PALLD: variants seen among roughly 807,000 people sequenced by gnomAD.
PALLD encodes palladin.
Under a neutral mutation model 123.5 loss-of-function variants are expected in PALLD, and 61 were observed. That is an observed-to-expected ratio of 0.49 (90% CI 0.40 to 0.61). The LOEUF is 0.61. Among genes scored for constraint, PALLD ranks in the 20% least tolerant of loss-of-function variants. The pLI is 0.00. For missense variants in PALLD, 1,273 were observed against 1,377.0 expected, an observed-to-expected ratio of 0.92 and a Z score of 1.20; for synonymous variants, 465 against 496.4, an observed-to-expected ratio of 0.94 and a Z score of 0.84.
chr4:168,925,167 T>C, intron 20 of PALLD, 66 bp from the exon 21 acceptor site: 5 of 1,582,682 alleles, frequency 3.2e-6, no homozygotes, highest in Non-Finnish European at 4.3e-6. Context: ...TTACTCTTTA[T>C]AAACAACTAT....
chr4:168,683,565 G>A (rs1419963188), intron 5 of PALLD, among the ~76,000 whole-genome samples: 1 of 151,924 alleles, frequency 6.6e-6, no homozygotes, highest in Non-Finnish European at 1.5e-5. Context: ...TTTTGATCTT[G>A]CTTTTATTTT....
intron 2 of PALLD, among the ~76,000 whole-genome samples, chr4:168,549,685 G>A (rs1184812643): frequency 1.3e-5 from 2 of 151,306 alleles, no homozygotes; most frequent in Non-Finnish European, 2.9e-5. Flanking sequence ...TGAGAGATGA[G>A]AAACAAAGAT....
chr4:168,861,279 TAA>T (rs11459765), intron 10 of PALLD, among the ~76,000 whole-genome samples: 2 of 149,368 alleles, frequency 1.3e-5, no homozygotes, highest in African/African-American at 4.9e-5. Flanking sequence ...AATATGGAAT[TAA>T]AAAAAAAAAA....
intron 10 of PALLD, among the ~76,000 whole-genome samples, chr4:168,734,298 A>G (rs1043734673): frequency 1.3e-5 from 2 of 152,058 alleles, no homozygotes; most frequent in Non-Finnish European, 2.9e-5. Flanking sequence ...AAGTGTAAAA[A>G]GTTATCTGTG....
In PALLD at chr4:168,773,351, G is replaced by A. The variant is rs141177880; in HGVS notation, c.1964+61428G>A. On this transcript the variant is annotated intron_variant, in intron 10 of 21. Coordinates refer to ENST00000505667, the MANE Select transcript of PALLD (RefSeq NM_001166108.2). The stretch of plus-strand genomic sequence containing the variant: ...CAGGAGCTTCCACCAGGTTTTCTTC[G>A]TGGCAAGCCCTAGAAATAGTCTGGA... Among the ~76,000 whole-genome samples, 1,195 of 152,254 alleles carry A rather than the reference G, an allele frequency of 7.8e-3. 5 individuals are homozygous for A. Among genetic ancestry groups the A allele is most frequent in the Middle Eastern group, 0.024 (7 of 294 alleles).
intron 2 of PALLD, among the ~76,000 whole-genome samples, chr4:168,524,825 T>G (rs1763896406): frequency 6.6e-6 from 1 of 152,196 alleles, no homozygotes; most frequent in Non-Finnish European, 1.5e-5. Context: ...GAGAAAACTG[T>G]GCTGTATACA....
At chr4:168,810,240 T>A (rs543150423) in intron 10 of PALLD, among the ~76,000 whole-genome samples, 1 of 152,102 alleles carries the variant, frequency 6.6e-6, no homozygotes, top group East Asian at 1.9e-4. Flanking sequence ...TTTAAAACAT[T>A]TGGTGATGAA....
intron 10 of PALLD, among the ~76,000 whole-genome samples, chr4:168,714,200 T>A (rs2150225621): frequency 6.6e-6 from 1 of 152,316 alleles, no homozygotes; most frequent in South Asian, 2.1e-4. Flanking sequence ...TATTAAAGTT[T>A]ATACTCTCTG....
intron 2 of PALLD, among the ~76,000 whole-genome samples, chr4:168,520,414 C>T (rs1263828647): frequency 6.6e-6 from 1 of 151,564 alleles, no homozygotes; most frequent in Non-Finnish European, 1.5e-5. Flanking sequence ...CTGACTCCTA[C>T]CACACAATTT....
At chr4:168,567,580 T>C (rs924447389) in intron 2 of PALLD, among the ~76,000 whole-genome samples, 5 of 146,958 alleles carry the variant, frequency 3.4e-5, no homozygotes, top group Middle Eastern at 7.1e-3. Context: ...TGTAGATATA[T>C]ATATTATACA....
intron 10 of PALLD, among the ~76,000 whole-genome samples, chr4:168,833,451 A>G (rs562708416): frequency 2.6e-4 from 40 of 152,240 alleles, no homozygotes; most frequent in Non-Finnish European, 1.6e-4. Flanking sequence ...TTTAATGCGT[A>G]ATCACAGAGA....
chr4:168,841,630 T>C (rs1021396119), intron 10 of PALLD, among the ~76,000 whole-genome samples: 6 of 152,208 alleles, frequency 3.9e-5, no homozygotes, highest in African/African-American at 1.4e-4. Flanking sequence ...GACCGCTCTC[T>C]GTCTGCTCCT....
At chr4:168,702,978 T>C (rs1291788963) in intron 8 of PALLD, among the ~76,000 whole-genome samples, 1 of 147,882 alleles carries the variant, frequency 6.8e-6, no homozygotes, top group Non-Finnish European at 1.5e-5. Flanking sequence ...TACATATGTA[T>C]ACATGTGCCA....
intron 2 of PALLD, among the ~76,000 whole-genome samples, chr4:168,554,807 AG>A (rs1179725437): frequency 5.3e-5 from 8 of 152,184 alleles, no homozygotes; most frequent in African/African-American, 1.9e-4. Context: ...ATCAGCTTTC[AG>A]GTTATCTCAA....
intron 3 of PALLD, among the ~76,000 whole-genome samples, chr4:168,673,643 T>C (rs146286772): frequency 5.7e-4 from 87 of 152,246 alleles, no homozygotes; most frequent in African/African-American, 1.9e-3. Flanking sequence ...AGAGGAGAGA[T>C]GCGGGTGCCT....
intron 2 of PALLD, among the ~76,000 whole-genome samples, chr4:168,569,662 G>C (rs1768774644): frequency 6.6e-6 from 1 of 152,124 alleles, no homozygotes; most frequent in Non-Finnish European, 1.5e-5. Flanking sequence ...CAGGCTGCAC[G>C]TTCTCTAATC....
At chr4:168,756,858 TAGAG>T (rs1172017567) in intron 10 of PALLD, among the ~76,000 whole-genome samples, 3 of 152,082 alleles carry the variant, frequency 2.0e-5, no homozygotes, top group African/African-American at 7.2e-5. Flanking sequence ...TGAATGTAAA[TAGAG>T]AGAAGTTCTA....
At chr4:168,650,398 T>C (rs960516075) in intron 2 of PALLD, among the ~76,000 whole-genome samples, 4 of 152,240 alleles carry the variant, frequency 2.6e-5, no homozygotes, top group African/African-American at 9.6e-5. Context: ...GTCTACGATG[T>C]GTTGTTGACA....
At chr4:168,920,999 G>T (rs1333997210) in intron 17 of PALLD, among the ~76,000 whole-genome samples, 1 of 152,100 alleles carries the variant, frequency 6.6e-6, no homozygotes, top group East Asian at 1.9e-4. Flanking sequence ...TCCCATCTCG[G>T]TCTTCTCTAG....
Sources: gnomAD v4.1 joint callset for allele counts (sites outside exome capture counted in the v4.1 genomes callset) on GRCh38, gnomAD v4.1.1 for gene constraint, MANE v1.5 for transcripts, NCBI Gene and HGNC (gene_info 2026-07-23, HGNC 2026-07-21) for gene names.